The following EBF1 variants were observed in gnomAD, a reference collection of about 807,000 sequenced individuals.
The protein encoded by EBF1 is transcription factor COE1.
Under a neutral mutation model 68.4 loss-of-function variants are expected in EBF1, and 10 were observed. That is an observed-to-expected ratio of 0.15 (90% CI 0.09 to 0.25). EBF1 has a LOEUF of 0.25. Ranked by LOEUF, EBF1 falls within the 10% of genes least tolerant of loss-of-function variation. EBF1 has a pLI of 1.00. For missense variants in EBF1, 509 were observed against 794.4 expected (o/e 0.64, Z 4.32); for synonymous variants, 298 against 299.8 (o/e 0.99, Z 0.06).
In EBF1 at chr5:159,073,473, C is replaced by T. The variant is rs1247284733; in HGVS notation, c.486-9G>A. ...TCTTGTCACAACAGCGGCTATGGAG[C>T]AAAAGCGAAAGGATTTAGTACAACC... On this transcript the variant is annotated splice_polypyrimidine_tract_variant and intron_variant, in intron 5 of 15. Transcript: ENST00000313708. 1.2e-6 allele frequency: 2 copies of T among 1,613,854 alleles called. No homozygotes were observed.
At chr5:158,890,652 G>T (rs2128107236) in intron 6 of EBF1, among the ~76,000 whole-genome samples, 1 of 152,234 alleles carries the variant, frequency 6.6e-6, no homozygotes, top group Admixed American at 6.5e-5. Flanking sequence ...CATTTTGTCT[G>T]CTGCCTTTGT....
At position 158,777,640 on chromosome 5, in the gene EBF1, A is replaced by G. The variant is rs981296715; in HGVS notation, c.910-101T>C. The G allele has an allele frequency of 2.4e-6, 3 of 1,242,728 alleles. No individual in the cohort carries two copies. The African/African-American group carries it at 4.6e-5, about 19-fold the overall frequency. 77.0% of individuals were successfully genotyped at this position (1,242,728 alleles called of 1,614,324 possible). A position where few individuals can be genotyped will look rare whatever the true frequency, so the allele number is the denominator to read the frequency against. ...AAACAAAGCTTTAAAACACATAATT[A>G]ACCTGTCTATGTTTAAATCCAATCT... is the stretch of plus-strand genomic sequence containing the variant. On this transcript the variant is annotated intron_variant, in intron 9 of 15. Coordinates refer to ENST00000313708, the MANE Select transcript of EBF1 (RefSeq NM_024007.5).
intron 6 of EBF1, among the ~76,000 whole-genome samples, chr5:159,002,470 GA>G (rs1762733610): frequency 6.6e-6 from 1 of 152,136 alleles, no homozygotes; most frequent in South Asian, 2.1e-4. Context: ...ATTAATGTGA[GA>G]CGATTGTCAG....
chr5:159,061,180 G>A (rs1005658082), intron 6 of EBF1, among the ~76,000 whole-genome samples: 2 of 151,872 alleles, frequency 1.3e-5, no homozygotes, highest in Non-Finnish European at 2.9e-5. Flanking sequence ...TTTAATACAG[G>A]GTGATAGACA....
intron 6 of EBF1, among the ~76,000 whole-genome samples, chr5:158,874,976 C>T (rs1177179880): frequency 6.6e-6 from 1 of 151,578 alleles, no homozygotes; most frequent in Non-Finnish European, 1.5e-5. Context: ...GCACAACTAG[C>T]ATGAATATTT....
rs143188179 is a variant in EBF1 at position 158,698,079 on chromosome 5, A to T, written c.*1032T>A. ...AGTATCTGGAATGGGAAAATCGAAAATACCTGCCACGTTGCTTTTATCAAC... is the reference window on the plus strand; with the variant it reads ...AGTATCTGGAATGGGAAAATCGAAATTACCTGCCACGTTGCTTTTATCAAC... On this transcript the variant is annotated 3_prime_UTR_variant, in exon 16 of 16. Coordinates refer to ENST00000313708, the MANE Select transcript of EBF1 (RefSeq NM_024007.5). The T allele has an allele frequency of 1.4e-5, 3 of 218,032 alleles. No homozygotes were observed. The highest frequency in any genetic ancestry group is 2.8e-5 in the Non-Finnish European group (3 of 108,436). The allele number at this position is 218,032 out of a possible 1,614,324, so 13.5% of individuals were successfully genotyped here. A position where few individuals can be genotyped will look rare whatever the true frequency, so the allele number is the denominator to read the frequency against.
intron 10 of EBF1, among the ~76,000 whole-genome samples, chr5:158,743,605 TG>T (rs1235883614): frequency 5.9e-5 from 9 of 152,154 alleles, no homozygotes; most frequent in Non-Finnish European, 2.9e-5. Flanking sequence ...CAACTAATGA[TG>T]GGGTGGTCAT....
intron 8 of EBF1, among the ~76,000 whole-genome samples, chr5:158,798,874 C>T (rs13169788): frequency 1.3e-5 from 2 of 152,202 alleles, no homozygotes; most frequent in East Asian, 3.9e-4. Flanking sequence ...CCCTCAGTCC[C>T]TCCTACCTCT....
chr5:158,984,192 G>A (rs1583664819), intron 6 of EBF1, among the ~76,000 whole-genome samples: 1 of 152,190 alleles, frequency 6.6e-6, no homozygotes, highest in East Asian at 1.9e-4. Context: ...CTACAAGTCT[G>A]CTAACAACGA....
intron 6 of EBF1, among the ~76,000 whole-genome samples, chr5:158,958,328 G>T (rs958723158): frequency 7.2e-5 from 11 of 152,132 alleles, no homozygotes; most frequent in Non-Finnish European, 1.6e-4. Flanking sequence ...CTGTCAGAAG[G>T]TTGTGACCCA....
intron 8 of EBF1, among the ~76,000 whole-genome samples, chr5:158,818,362 C>T (rs1784168388): frequency 1.3e-5 from 2 of 152,200 alleles, no homozygotes; most frequent in South Asian, 4.1e-4. Flanking sequence ...TGGTGCTGGA[C>T]ACCCAGGGGC....
At chr5:158,742,045 C>T (rs1006038385) in intron 10 of EBF1, among the ~76,000 whole-genome samples, 1 of 152,140 alleles carries the variant, frequency 6.6e-6, no homozygotes, top group Non-Finnish European at 1.5e-5. Flanking sequence ...GGATTCAAAC[C>T]CAGGCAGTCT....
At chr5:158,699,814 T>G (rs1756345104) in intron 15 of EBF1, among the ~76,000 whole-genome samples, 1 of 152,202 alleles carries the variant, frequency 6.6e-6, no homozygotes. Flanking sequence ...GATCTGACCA[T>G]ATTTCCTAGA....
At chr5:159,005,077 T>C (rs1763289156) in intron 6 of EBF1, among the ~76,000 whole-genome samples, 1 of 152,188 alleles carries the variant, frequency 6.6e-6, no homozygotes, top group South Asian at 2.1e-4. Context: ...ACAGCAAATT[T>C]AGATGGACAA....
chr5:159,048,982 G>A (rs1772996795), intron 6 of EBF1, among the ~76,000 whole-genome samples: 1 of 152,204 alleles, frequency 6.6e-6, no homozygotes, highest in Non-Finnish European at 1.5e-5. Flanking sequence ...TTCACAAGTA[G>A]TAAAAAGGAG....
intron 1 of EBF1, 35 bp from the exon 2 acceptor site, chr5:159,097,165 C>A (rs183162662): frequency 1.3e-6 from 2 of 1,599,256 alleles, no homozygotes; most frequent in Non-Finnish European, 8.5e-7. Flanking sequence ...ATGGCTAAAC[C>A]GGACGCCGAC....
At chr5:158,785,550 G>A (rs1254792387) in intron 9 of EBF1, among the ~76,000 whole-genome samples, 1 of 152,144 alleles carries the variant, frequency 6.6e-6, no homozygotes, top group Non-Finnish European at 1.5e-5. Context: ...TGTCTCAAAA[G>A]CAGTGTATGA....
At position 159,003,953 on chromosome 5, in the gene EBF1, G is replaced by A. The variant is rs916689047; in HGVS notation, c.554+69443C>T. Among the ~76,000 whole-genome samples, 5 of 152,158 alleles carry A rather than the reference G, an allele frequency of 3.3e-5. 1 individual carries two copies. The highest frequency in any genetic ancestry group is 3.3e-4 in the Admixed American group (5 of 15,274). On this transcript the variant is annotated intron_variant, in intron 6 of 15. Transcript: ENST00000313708. ...AAATGTTGGGAGAATTTCTATCAAG[G>A]AAAATGGCAATCATCATTTGGCTTT...
intron 6 of EBF1, among the ~76,000 whole-genome samples, chr5:158,959,265 T>C (rs1817701240): frequency 1.3e-5 from 2 of 151,256 alleles, no homozygotes; most frequent in Admixed American, 6.6e-5. Flanking sequence ...AACAAAAATA[T>C]AAAGAAAAAC....
Sources: allele counts gnomAD v4.1 joint callset (sites outside exome capture counted in the v4.1 genomes callset), GRCh38; gene constraint gnomAD v4.1.1; transcripts MANE v1.5; gene names NCBI Gene and HGNC (gene_info 2026-07-23, HGNC 2026-07-21).